The following MAP3K6 variants were observed in gnomAD, a reference collection of about 807,000 sequenced individuals.
MAP3K6 encodes the protein apoptosis signal-regulating kinase 2.
In MAP3K6, 105 loss-of-function variants were observed where a neutral mutation model predicts 147.1. That is an observed-to-expected ratio of 0.71 (90% CI 0.61 to 0.84). The LOEUF (loss-of-function observed/expected upper bound fraction) is 0.84. Ranked by LOEUF, MAP3K6 falls within the 40% of genes least tolerant of loss-of-function variation. The probability of loss-of-function intolerance (pLI) is 0.00; values close to 1 mark genes in which losing one functional copy is unlikely to be tolerated. For synonymous variants in MAP3K6, 695 were observed against 732.4 expected (o/e 0.95, Z 0.82); for missense variants, 1,569 against 1,715.0 (o/e 0.91, Z 1.50).
intron 6 of MAP3K6, 24 bp from the exon 7 acceptor site, chr1:27,363,045 C>T (rs569111252): frequency 2.5e-5 from 40 of 1,603,558 alleles, no homozygotes; most frequent in Admixed American, 3.4e-5. Flanking sequence ...GGGCTCAGGC[C>T]CTCCCTGATG....
rs1203106520 is a variant in MAP3K6 at position 27,358,489 on chromosome 1, C to T, written c.2706G>A (p.Gly902=). The change falls in exon 20 of 29, where the codon GGG becomes GGA. Residue 902 remains glycine (G), a synonymous_variant. Coordinates refer to ENST00000357582, the MANE Select transcript of MAP3K6 (RefSeq NM_004672.5). The surrounding 1 kb of genome is among the most constrained non-coding windows in gnomAD (Gnocchi z 6.2). ...RLRASAQTLL[G]DPFLQPGKRS... is the part of the protein sequence containing the mutation. Reference sequence around the variant, plus strand: ...TTTTCCCAGGCTGCAGGAAGGGGTCCCCCAGCAGTGTCTGGGCGCTGGCTC... The same window carrying T: ...TTTTCCCAGGCTGCAGGAAGGGGTCTCCCAGCAGTGTCTGGGCGCTGGCTC... 6.2e-7 allele frequency: 1 copy of T among 1,602,820 alleles called. No individual in the cohort carries two copies. The highest frequency in any genetic ancestry group is 1.1e-5 in the South Asian group (1 of 89,910).
Position 27,359,708 on chromosome 1 carries a change from C to T in MAP3K6, c.2319+150G>A. 7.2e-7 allele frequency: 1 copy of T among 1,386,430 alleles called. No individual in the cohort carries two copies. The highest frequency in any genetic ancestry group is 9.8e-7 in the Non-Finnish European group (1 of 1,018,008). 85.9% of individuals were successfully genotyped at this position (1,386,430 alleles called of 1,614,324 possible). ...GGTTTGGCTTCAGAGCTGAACCTTT[C>T]CCCTCCTTCTCTAAGGAGCCTCCCT... On this transcript the variant is annotated intron_variant, in intron 17 of 28. Coordinates refer to ENST00000357582, the MANE Select transcript of MAP3K6 (RefSeq NM_004672.5). The surrounding 1 kb of genome is among the most constrained non-coding windows in gnomAD (Gnocchi z 4.4).
Position 27,364,511 on chromosome 1 carries a change from C to T in MAP3K6, c.505-117G>A, listed in dbSNP as rs1054075289. ...AATTGGAATCGCAGGAAAGGGGCACCCGTCATGAGAGGAGGCAACAGGAAA... is the reference window on the plus strand; with the variant it reads ...AATTGGAATCGCAGGAAAGGGGCACTCGTCATGAGAGGAGGCAACAGGAAA... On this transcript the variant is annotated intron_variant, in intron 3 of 28. Transcript: ENST00000357582. The surrounding 1 kb of genome is among the most constrained non-coding windows in gnomAD (Gnocchi z 4.4). 1 of 1,534,732 alleles carries T rather than the reference C, an allele frequency of 6.5e-7. No individual in the cohort carries two copies. Among genetic ancestry groups the T allele is most frequent in the African/African-American group, 1.4e-5 (1 of 73,160 alleles).
At chr1:27,365,005 G>A (rs2015926950) in intron 1 of MAP3K6, 93 bp from the exon 2 acceptor site, 15 of 1,372,586 alleles carry the variant, frequency 1.1e-5, no homozygotes, top group Non-Finnish European at 1.5e-5. Context: ...CCTTGCTGTG[G>A]GACTCCAGTA....
At position 27,359,990 on chromosome 1, in the gene MAP3K6, G is replaced by C; in HGVS notation, c.2187C>G (p.Ser729Arg). The C allele has an allele frequency of 6.2e-7, 1 of 1,614,014 alleles. No homozygotes were observed. Residue 729 changes from serine (S) to arginine (R), a missense_variant, in exon 17 of 29, where the codon AGC becomes AGG. Transcript: ENST00000357582. The surrounding 1 kb of genome is among the most constrained non-coding windows in gnomAD (Gnocchi z 4.4). ...ACACCGACCGCAGCAAGGAGGACAG[G>C]CTGCCTGGGTGGGGACAGTCCAAGT... ...KIFMEEVPGG[S>R]LSSLLRSVWG...
Position 27,360,306 on chromosome 1 carries a change from A to G in MAP3K6, c.2117T>C (p.Val706Ala). Residue 706 changes from valine (V) to alanine (A), a missense_variant, in exon 16 of 29, where the codon GTG (valine) becomes GCG (alanine). Physicochemically the swap from Val to Ala is moderately conservative, Grantham distance 64. Coordinates refer to ENST00000357582, the MANE Select transcript of MAP3K6 (RefSeq NM_004672.5). This position sits in a 1 kb window ranked among gnomAD's most constrained non-coding sequence, Gnocchi z 4.5. ...CTGGCTAGCTGAGCCCAGATAGCGC[A>G]CTATGTTCTTGTGGCGCAGGCGTCT... The part of the protein sequence containing the change: ...LHRRLRHKNI[V>A]RYLGSASQGG... The G allele has an allele frequency of 6.2e-7, 1 of 1,614,070 alleles. No individual in the cohort carries two copies. The highest frequency in any genetic ancestry group is 8.5e-7 in the Non-Finnish European group (1 of 1,179,974).
chr1:27,358,873 C>A lies in MAP3K6; in HGVS notation c.2426-7G>T. 1 of 1,553,654 alleles carries A rather than the reference C, an allele frequency of 6.4e-7. No individual in the cohort carries two copies. Among genetic ancestry groups the A allele is most frequent in the Non-Finnish European group, 8.7e-7 (1 of 1,149,890 alleles). ...GCCATATACTGCAGAGTTCCTAGGACAGAAACAGGAGCACCAATGCCCATC... is the reference window on the plus strand; with the variant it reads ...GCCATATACTGCAGAGTTCCTAGGAAAGAAACAGGAGCACCAATGCCCATC... On this transcript the variant is annotated splice_region_variant and splice_polypyrimidine_tract_variant and intron_variant, in intron 18 of 28. Transcript: ENST00000357582. The surrounding 1 kb of genome is among the most constrained non-coding windows in gnomAD (Gnocchi z 6.2).
rs2015710216 is a variant in MAP3K6, at chr1:27,360,551, C to A, written c.2054+154G>T. The stretch of plus-strand genomic sequence containing the variant: ...CTCAATCCCGCCCGCACGGTCCTGG[C>A]TGTTCCGCCCACGGGCCCAGTCCAC... On this transcript the variant is annotated intron_variant, in intron 15 of 28. Transcript: ENST00000357582. This position sits in a 1 kb window ranked among gnomAD's most constrained non-coding sequence, Gnocchi z 4.5. Among the ~76,000 whole-genome samples the A allele has an allele frequency of 6.6e-6, 1 of 150,860 alleles. No homozygotes were observed. Among genetic ancestry groups the A allele is most frequent in the Non-Finnish European group, 1.5e-5 (1 of 67,682 alleles).
At chr1:27,356,150 C>A in intron 26 of MAP3K6, 51 bp from the exon 27 acceptor site, 1 of 1,520,284 alleles carries the variant, frequency 6.6e-7, no homozygotes, top group Non-Finnish European at 9.1e-7. Flanking sequence ...CTGCTAGAAG[C>A]TGCCTCGAAC....
At chr1:27,356,122 T>C (rs750811568) in intron 26 of MAP3K6, 23 bp from the exon 27 acceptor site, 17 of 1,609,594 alleles carry the variant, frequency 1.1e-5, no homozygotes, top group Non-Finnish European at 1.4e-5. Flanking sequence ...AGTCAGGTGA[T>C]GAGCCCAAGA....
In MAP3K6 at chr1:27,357,014, C is replaced by A. The variant is rs1198707819; in HGVS notation, c.3359G>T (p.Gly1120Val). ...RAVRAALGVL[G>V]PEVEKEAVSP... is the part of the protein sequence containing the mutation. ...CCGTGGCATTCCCCTCCTACCCGGT[C>A]CTAGCACACCCAGGGCTGCCCGCAC... The change falls in exon 24 of 29, where the codon GGA becomes GTA. Residue 1120 changes from glycine (G) to valine (V), a missense_variant. By Grantham distance (109) the Gly-to-Val change is moderately radical. Transcript: ENST00000357582. The A allele has an allele frequency of 3.1e-6, 5 of 1,613,642 alleles. No individual in the cohort carries two copies. Among genetic ancestry groups the A allele is most frequent in the Non-Finnish European group, 4.2e-6 (5 of 1,179,898 alleles).
At position 27,364,207 on chromosome 1, in the gene MAP3K6, G is replaced by A. The variant is rs2015891130; in HGVS notation, c.692C>T (p.Ser231Phe). 3 of 1,611,150 alleles carry A rather than the reference G, an allele frequency of 1.9e-6. No homozygotes were observed. In the African/African-American group the frequency reaches 4.0e-5, roughly 22 times the overall value. The change falls in exon 4 of 29, where the codon TCT (serine) becomes TTT (phenylalanine). Residue 231 changes from serine (S) to phenylalanine (F), a missense_variant. Physicochemically the swap from Ser to Phe is radical, Grantham distance 155. Coordinates refer to ENST00000357582, the MANE Select transcript of MAP3K6 (RefSeq NM_004672.5). This position sits in a 1 kb window ranked among gnomAD's most constrained non-coding sequence, Gnocchi z 4.4. ...CCTCCCTGGGGGCCTTCATTACCAA[G>A]AGTCTGTGGGTGTGGCCTCCAGCAG... Reference protein sequence around the residue: ...ARLLEATPTDSCGYFRETIRR... With the variant: ...ARLLEATPTDFCGYFRETIRR...
At chr1:27,361,098 C>G in intron 13 of MAP3K6, 59 bp downstream of exon 13, 1 of 1,542,058 alleles carries the variant, frequency 6.5e-7, no homozygotes, top group Non-Finnish European at 8.8e-7. Context: ...CTTTCTTTCC[C>G]CCACTCCCCC....
intron 1 of MAP3K6, 129 bp from the exon 2 acceptor site, chr1:27,365,041 G>A: frequency 9.9e-7 from 1 of 1,005,642 alleles, no homozygotes; most frequent in South Asian, 1.7e-5. Context: ...TTGGGCTTCA[G>A]TCGGCCCTTT....
chr1:27,362,299 T>G (rs2015807175), intron 8 of MAP3K6, 49 bp from the exon 9 acceptor site: 1 of 1,550,350 alleles, frequency 6.5e-7, no homozygotes, highest in Non-Finnish European at 8.7e-7. Context: ...CAGGGGTGAG[T>G]GAGGCCCACC....
chr1:27,360,381 A>T lies in MAP3K6; in HGVS notation c.2055-13T>A, dbSNP rs1461703221. 9 of 1,611,900 alleles carry T rather than the reference A, an allele frequency of 5.6e-6. No individual in the cohort carries two copies. The highest frequency in any genetic ancestry group is 7.6e-6 in the Non-Finnish European group (9 of 1,179,112). Reference sequence around the variant, plus strand: ...GGGCTGAGAGAACCTGAGGGGAGGTAAGGGAGAGAGGAAAGGGACCGAGGT... The same window carrying T: ...GGGCTGAGAGAACCTGAGGGGAGGTTAGGGAGAGAGGAAAGGGACCGAGGT... On this transcript the variant is annotated splice_polypyrimidine_tract_variant and intron_variant, in intron 15 of 28. Coordinates refer to ENST00000357582, the MANE Select transcript of MAP3K6 (RefSeq NM_004672.5). The surrounding 1 kb of genome is among the most constrained non-coding windows in gnomAD (Gnocchi z 4.5).
Position 27,355,729 on chromosome 1 carries a change from A to C in MAP3K6, c.3728T>G (p.Phe1243Cys). The C allele has an allele frequency of 5.0e-6, 8 of 1,613,928 alleles. No individual in the cohort carries two copies. Among genetic ancestry groups the C allele is most frequent in the Non-Finnish European group, 6.8e-6 (8 of 1,179,992 alleles). ...GTIQMLLNHS[F>C]TLHTLLTYAT... ...ATAGGTGAGCAGAGTGTGGAGGGTGAAGCTATGGTTCAACAGCTGGATGTG... is the reference window on the plus strand; with the variant it reads ...ATAGGTGAGCAGAGTGTGGAGGGTGCAGCTATGGTTCAACAGCTGGATGTG... The change falls in exon 28 of 29, where the codon TTC (phenylalanine) becomes TGC (cysteine). Residue 1243 changes from phenylalanine (F) to cysteine (C), a missense_variant. Phe to Cys is a radical substitution (Grantham distance 205). Coordinates refer to ENST00000357582, the MANE Select transcript of MAP3K6 (RefSeq NM_004672.5).
Position 27,362,080 on chromosome 1 carries a change from G to C in MAP3K6, c.1415+11C>G. 6.2e-7 allele frequency: 1 copy of C among 1,604,240 alleles called. No homozygotes were observed. The highest frequency in any genetic ancestry group is 8.5e-7 in the Non-Finnish European group (1 of 1,174,374). On this transcript the variant is annotated intron_variant, in intron 9 of 28. Coordinates refer to ENST00000357582, the MANE Select transcript of MAP3K6 (RefSeq NM_004672.5). ...CCAGGTCAGGCCAAGAATGCAGAGG[G>C]GGCCACCTACCATATGGGGGCATTG...
Position 27,355,269 on chromosome 1 carries a change from C to T in MAP3K6, c.*122G>A, listed in dbSNP as rs767478100. The T allele has an allele frequency of 5.6e-6, 5 of 898,400 alleles. No individual in the cohort carries two copies. Among genetic ancestry groups the T allele is most frequent in the African/African-American group, 3.3e-5 (2 of 61,140 alleles). The allele number at this position is 898,400 out of a possible 1,614,324, so 55.7% of individuals were successfully genotyped here. On this transcript the variant is annotated 3_prime_UTR_variant, in exon 29 of 29. Coordinates refer to ENST00000357582, the MANE Select transcript of MAP3K6 (RefSeq NM_004672.5). ...TCTCTCACTGGAACCAGTCCTGGGC[C>T]CCACTCGCCTGGCTTCCTCCAGTCG...
Sources: gnomAD v4.1 joint callset for allele counts (sites outside exome capture counted in the v4.1 genomes callset) on GRCh38, gnomAD v4.1.1 for gene constraint, Gnocchi (gnomAD v3.1) non-coding constraint, MANE v1.5 for transcripts, NCBI Gene and HGNC (gene_info 2026-07-23, HGNC 2026-07-21) for gene names.